THSD7A: variants seen among roughly 807,000 people sequenced by gnomAD.
THSD7A encodes the protein thrombospondin type 1 domain containing 7A.
Under a neutral mutation model 231.3 loss-of-function variants are expected in THSD7A, and 96 were observed. The ratio of observed to expected loss-of-function variants is 0.41; its 90% CI spans 0.35 to 0.49. THSD7A has a LOEUF of 0.49. THSD7A is among the 20% of genes least tolerant of loss of function. The probability of loss-of-function intolerance (pLI) is 0.05; values close to 1 mark genes in which losing one functional copy is unlikely to be tolerated. For missense variants in THSD7A, 2,290 were observed against 2,070.2 expected, an observed-to-expected ratio of 1.11 and a Z score of -2.06; for synonymous variants, 940 against 743.3, an observed-to-expected ratio of 1.26 and a Z score of -4.30.
chr7:11,584,526 A>G (rs1292349296), intron 4 of THSD7A, among the ~76,000 whole-genome samples: 1 of 151,956 alleles, frequency 6.6e-6, no homozygotes, highest in Non-Finnish European at 1.5e-5. Flanking sequence ...TCTGTCACAT[A>G]GCTTGAATGG....
At chr7:11,713,668 T>C (rs933629177) in intron 1 of THSD7A, among the ~76,000 whole-genome samples, 2 of 151,172 alleles carry the variant, frequency 1.3e-5, no homozygotes, top group African/African-American at 4.8e-5. Flanking sequence ...TGGACCTCAA[T>C]CTTTATTAAA....
chr7:11,389,382 TAA>T (rs1228405834), intron 23 of THSD7A, among the ~76,000 whole-genome samples: 1 of 149,810 alleles, frequency 6.7e-6, no homozygotes, highest in East Asian at 2.0e-4. Flanking sequence ...TTTGTTGGTT[TAA>T]AGTCTGTTTT....
At position 11,637,469 on chromosome 7, in the gene THSD7A, G is replaced by A. The variant is rs772475474; in HGVS notation, c.191-508C>T. Among the ~76,000 whole-genome samples, 1 of 152,114 alleles carries A rather than the reference G, an allele frequency of 6.6e-6. No homozygotes were observed. Among genetic ancestry groups the A allele is most frequent in the Non-Finnish European group, 1.5e-5 (1 of 68,034 alleles). On this transcript the variant is annotated intron_variant, in intron 1 of 27. Transcript: ENST00000423059. The surrounding 1 kb of genome is among the most constrained non-coding windows in gnomAD (Gnocchi z 4.2). Reference sequence around the variant, plus strand: ...ATTTTCATAGACTATGACTGCAAGGGTCTAATAGTTGTATATCATGTGTGC... The same window carrying A: ...ATTTTCATAGACTATGACTGCAAGGATCTAATAGTTGTATATCATGTGTGC...
chr7:11,549,868 C>T (rs1416321690), intron 4 of THSD7A, among the ~76,000 whole-genome samples: 2 of 151,990 alleles, frequency 1.3e-5, no homozygotes, highest in Non-Finnish European at 2.9e-5. Flanking sequence ...CACCATGGCA[C>T]ACATTTGCCT....
chr7:11,424,827 C>G lies in THSD7A; in HGVS notation c.3252G>C (p.Val1084=), dbSNP rs770883507. ...PKLDHVNQAQ[V]YEVVPCHSDC... ...CACTGTGGCATGGGACAACCTCATA[C>G]ACCTGAAACACACATGGTTCTCAGC... The change falls in exon 16 of 28, where the codon GTG becomes GTC. Residue 1084 remains valine, a splice_region_variant and synonymous_variant. Coordinates refer to ENST00000423059, the MANE Select transcript of THSD7A (RefSeq NM_015204.3). The G allele has an allele frequency of 3.1e-6, 5 of 1,613,952 alleles. No individual in the cohort carries two copies. Among genetic ancestry groups the G allele is most frequent in the Non-Finnish European group, 4.2e-6 (5 of 1,179,862 alleles).
chr7:11,727,131 T>C (rs1481030103), intron 1 of THSD7A, among the ~76,000 whole-genome samples: 1 of 152,030 alleles, frequency 6.6e-6, no homozygotes, highest in East Asian at 1.9e-4. Flanking sequence ...AAATGTAGGC[T>C]GTCACGGAGA....
chr7:11,442,529 A>C (rs1784838531), intron 13 of THSD7A, among the ~76,000 whole-genome samples: 2 of 152,162 alleles, frequency 1.3e-5, no homozygotes, highest in South Asian at 4.1e-4. Context: ...CTCCAGAGCC[A>C]CTTAATAACC....
chr7:11,682,883 A>T (rs1251512272), intron 1 of THSD7A, among the ~76,000 whole-genome samples: 1 of 151,960 alleles, frequency 6.6e-6, no homozygotes, highest in Non-Finnish European at 1.5e-5. Context: ...AATAAAAAAA[A>T]AATCACCGAG....
chr7:11,587,286 C>T (rs543235117), intron 4 of THSD7A, among the ~76,000 whole-genome samples: 1 of 152,284 alleles, frequency 6.6e-6, no homozygotes, highest in East Asian at 1.9e-4. Context: ...GCTGGACATT[C>T]TTCACATATC....
chr7:11,792,464 C>A (rs117414094), intron 1 of THSD7A, among the ~76,000 whole-genome samples: 1 of 151,874 alleles, frequency 6.6e-6, no homozygotes, highest in Admixed American at 6.6e-5. Context: ...TTTCCTCCCC[C>A]AATATATCTT....
chr7:11,712,382 T>G (rs561686324), intron 1 of THSD7A, among the ~76,000 whole-genome samples: 1 of 151,112 alleles, frequency 6.6e-6, no homozygotes, highest in South Asian at 2.1e-4. Context: ...GAAAGGAACA[T>G]GTAACTTTTC....
In THSD7A at chr7:11,446,003, G is replaced by A; in HGVS notation, c.3064+58C>T. 6.3e-7 allele frequency: 1 copy of A among 1,595,256 alleles called. No homozygotes were observed. Among genetic ancestry groups the A allele is most frequent in the Non-Finnish European group, 8.6e-7 (1 of 1,166,030 alleles). ...ACTTCCATTCCACTATGATGCGTGTGCATTTTCCCTCCACACTCCCGAAGA... is the reference window on the plus strand; with the variant it reads ...ACTTCCATTCCACTATGATGCGTGTACATTTTCCCTCCACACTCCCGAAGA... On this transcript the variant is annotated intron_variant, in intron 13 of 27. Transcript: ENST00000423059. This position sits in a 1 kb window ranked among gnomAD's most constrained non-coding sequence, Gnocchi z 4.0.
chr7:11,727,137 G>A (rs974340727), intron 1 of THSD7A, among the ~76,000 whole-genome samples: 5 of 151,936 alleles, frequency 3.3e-5, no homozygotes, highest in Non-Finnish European at 5.9e-5. Flanking sequence ...AGGCTGTCAC[G>A]GAGAAGAATA....
intron 6 of THSD7A, among the ~76,000 whole-genome samples, chr7:11,501,836 A>T (rs1282587435): frequency 6.6e-6 from 1 of 152,238 alleles, no homozygotes; most frequent in Admixed American, 6.5e-5. Context: ...AGGTCAATGA[A>T]TCCAGCAGTT....
At chr7:11,673,549 C>T (rs1343089248) in intron 1 of THSD7A, among the ~76,000 whole-genome samples, 1 of 152,160 alleles carries the variant, frequency 6.6e-6, no homozygotes, top group Non-Finnish European at 1.5e-5. Flanking sequence ...CAAGGTGCAT[C>T]TGATCCACAT....
At chr7:11,532,461 C>G (rs739756) in intron 6 of THSD7A, among the ~76,000 whole-genome samples, 12,541 of 152,074 alleles carry the variant, frequency 0.082, 796 homozygotes, top group East Asian at 0.18. Flanking sequence ...GGCAAGAAGA[C>G]TGTTAGTGAA....
intron 6 of THSD7A, among the ~76,000 whole-genome samples, chr7:11,518,598 A>AACACACACAC (rs138134072): frequency 0.065 from 9,745 of 150,110 alleles, 954 homozygotes; most frequent in African/African-American, 0.22. Flanking sequence ...ATAAAATAGA[A>AACACACACAC]ACACACACAC....
chr7:11,673,640 G>T (rs1783498499), intron 1 of THSD7A, among the ~76,000 whole-genome samples: 1 of 152,134 alleles, frequency 6.6e-6, no homozygotes, highest in Non-Finnish European at 1.5e-5. Context: ...AGCCTCCACT[G>T]CCCCACACAG....
Position 11,590,678 on chromosome 7 carries a change from T to A in THSD7A, c.1272-37A>T, listed in dbSNP as rs751808045. ...CAACACCACCAGCAGCAACCATAAT[T>A]ATTGAATGACGTGTTTCTCTACTCC... On this transcript the variant is annotated intron_variant, in intron 3 of 27. Transcript: ENST00000423059. The surrounding 1 kb of genome is among the most constrained non-coding windows in gnomAD (Gnocchi z 4.4). 6.4e-7 allele frequency: 1 copy of A among 1,559,374 alleles called. No individual in the cohort carries two copies. The highest frequency in any genetic ancestry group is 8.7e-7 in the Non-Finnish European group (1 of 1,153,804).
Sources: allele counts gnomAD v4.1 joint callset (sites outside exome capture counted in the v4.1 genomes callset), GRCh38; gene constraint gnomAD v4.1.1; non-coding constraint Gnocchi (gnomAD v3.1); transcripts MANE v1.5; gene names NCBI Gene and HGNC (gene_info 2026-07-23, HGNC 2026-07-21).